COMMD7: variants seen among roughly 807,000 people sequenced by gnomAD.
COMMD7 encodes the protein COMM domain containing 7, also known as COMM domain-containing protein 7.
COMMD7 carries 28 observed loss-of-function variants against 34.8 expected under a neutral mutation model. The observed-to-expected ratio is 0.80, with a 90% CI of 0.60 to 1.10. The LOEUF (loss-of-function observed/expected upper bound fraction) is 1.10. Ranked by LOEUF, COMMD7 falls within the 50% of genes least tolerant of loss-of-function variation. The pLI is 0.00. For missense variants in COMMD7, 211 were observed against 241.6 expected, an observed-to-expected ratio of 0.87 and a Z score of 0.84; for synonymous variants, 80 against 86.4, an observed-to-expected ratio of 0.93 and a Z score of 0.41.
intron 1 of COMMD7, among the ~76,000 whole-genome samples, chr20:32,732,694 A>G (rs1985907515): frequency 6.6e-6 from 1 of 151,512 alleles, no homozygotes; most frequent in African/African-American, 2.4e-5. Flanking sequence ...TGGGAGGCGG[A>G]GGTGGGTGGA....
intron 5 of COMMD7, 93 bp from the exon 6 acceptor site, chr20:32,704,997 A>T (rs1046355717): frequency 1.1e-6 from 1 of 899,928 alleles, no homozygotes. Context: ...GCATTGACAC[A>T]GATAGTGGGG....
At chr20:32,717,011 G>T (rs6057623) in intron 3 of COMMD7, among the ~76,000 whole-genome samples, 104,994 of 151,912 alleles carry the variant, frequency 0.69, 36,986 homozygotes, top group Middle Eastern at 0.82. Context: ...TTTTGTATTT[G>T]TAGTAGAGAT....
chr20:32,733,729 A>C (rs1985975368), intron 1 of COMMD7, among the ~76,000 whole-genome samples: 1 of 150,940 alleles, frequency 6.6e-6, no homozygotes, highest in Non-Finnish European at 1.5e-5. Context: ...AAAAAAAAAA[A>C]AAAAAATTAG....
intron 3 of COMMD7, among the ~76,000 whole-genome samples, chr20:32,716,881 T>C (rs1374658719): frequency 6.6e-6 from 1 of 151,650 alleles, no homozygotes; most frequent in African/African-American, 2.4e-5. Flanking sequence ...TTTCATAATA[T>C]GGACTCTAGC....
chr20:32,713,355 C>T (rs1984586553), intron 3 of COMMD7, among the ~76,000 whole-genome samples: 1 of 152,200 alleles, frequency 6.6e-6, no homozygotes, highest in Non-Finnish European at 1.5e-5. Flanking sequence ...TGGCAACAGG[C>T]ACCAATTTTC....
Position 32,706,713 on chromosome 20 carries a change from T to C in COMMD7, c.289A>G (p.Ile97Val). ...CTGGCCAATGACCTACCCAGAGTTA[T>C]GAAATCCGCCTGGACCTGCTTGGCT... ...LTAKQVQADF[I>V]TLGLSEEKAT... The change falls in exon 4 of 9, where the codon ATA (isoleucine) becomes GTA (valine). Residue 97 changes from isoleucine (I) to valine (V), a missense_variant. Coordinates refer to ENST00000278980, the MANE Select transcript of COMMD7 (RefSeq NM_053041.3). 3 of 1,613,990 alleles carry C rather than the reference T, an allele frequency of 1.9e-6. No individual in the cohort carries two copies. The highest frequency in any genetic ancestry group is 2.2e-5 in the South Asian group (2 of 91,084).
intron 3 of COMMD7, among the ~76,000 whole-genome samples, chr20:32,727,516 C>G (rs1274123891): frequency 7.7e-6 from 1 of 129,288 alleles, no homozygotes; most frequent in Non-Finnish European, 1.6e-5. Context: ...AGCCTGGCGA[C>G]AGAGAAAGAT....
At chr20:32,730,071 C>T (rs1163940977) in intron 1 of COMMD7, among the ~76,000 whole-genome samples, 1 of 152,082 alleles carries the variant, frequency 6.6e-6, no homozygotes, top group African/African-American at 2.4e-5. Context: ...GATATTTTGC[C>T]TTAACAAAAT....
At position 32,703,167 on chromosome 20, in the gene COMMD7, G is replaced by C. The variant is rs1983851421; in HGVS notation, c.*215C>G. 5 of 411,714 alleles carry C rather than the reference G, an allele frequency of 1.2e-5. No homozygotes were observed. The Admixed American group carries it at 2.0e-4, about 17-fold the overall frequency. The allele number at this position is 411,714 out of a possible 1,614,324, so 25.5% of individuals were successfully genotyped here. A position where few individuals can be genotyped will look rare whatever the true frequency, so the allele number is the denominator to read the frequency against. ...GTGTCCTGGAAGACAGGTGGTGGTGGTTGCCCTAACAGAGAGTTTACAGGG... is the reference window on the plus strand; with the variant it reads ...GTGTCCTGGAAGACAGGTGGTGGTGCTTGCCCTAACAGAGAGTTTACAGGG... On this transcript the variant is annotated 3_prime_UTR_variant, in exon 9 of 9. Transcript: ENST00000278980.
chr20:32,729,761 C>T (rs374290146), intron 1 of COMMD7, among the ~76,000 whole-genome samples: 1 of 151,896 alleles, frequency 6.6e-6, no homozygotes, highest in East Asian at 1.9e-4. Context: ...AATCCCAGCA[C>T]TTTGGGAGGC....
intron 3 of COMMD7, among the ~76,000 whole-genome samples, chr20:32,725,431 G>GT (rs56381432): frequency 0.012 from 1,606 of 129,920 alleles, 79 homozygotes; most frequent in African/African-American, 0.04. Flanking sequence ...ACTGTGTTTT[G>GT]TTTTTTTTTT....
At chr20:32,736,642 C>T (rs1568796008) in intron 1 of COMMD7, among the ~76,000 whole-genome samples, 2 of 151,940 alleles carry the variant, frequency 1.3e-5, no homozygotes, top group Admixed American at 6.6e-5. Flanking sequence ...TGCACTTCAG[C>T]CTGGGTGATA....
chr20:32,731,546 G>T (rs984415104), intron 1 of COMMD7, among the ~76,000 whole-genome samples: 7 of 151,960 alleles, frequency 4.6e-5, no homozygotes, highest in Non-Finnish European at 8.8e-5. Flanking sequence ...ATCCTCCAAA[G>T]CCCTGCCAAG....
chr20:32,728,132 G>T lies in COMMD7; in HGVS notation c.95C>A (p.Ala32Asp), dbSNP rs777352425. Reference protein sequence around the residue: ...LNQLGAQQFSALTEVLFHFLT... With the variant: ...LNQLGAQQFSDLTEVLFHFLT... ...GAAGTGGAAAAGCACCTCTGTCAGG[G>T]CTGAGAACTGCTGTGAAGAAAACAA... The change falls in exon 2 of 9, where the codon GCC becomes GAC. Residue 32 changes from alanine (A) to aspartate (D), a missense_variant. By Grantham distance (126) the Ala-to-Asp change is moderately radical. Coordinates refer to ENST00000278980, the MANE Select transcript of COMMD7 (RefSeq NM_053041.3). 2 of 1,614,036 alleles carry T rather than the reference G, an allele frequency of 1.2e-6. No individual in the cohort carries two copies. Among genetic ancestry groups the T allele is most frequent in the East Asian group, 4.5e-5 (2 of 44,868 alleles).
intron 1 of COMMD7, 52 bp downstream of exon 1, chr20:32,743,256 G>A (rs1397370002): frequency 1.6e-5 from 7 of 442,366 alleles, no homozygotes; most frequent in Non-Finnish European, 2.3e-5. Flanking sequence ...CCCCAGGCCC[G>A]GATCCTGGAA....
intron 3 of COMMD7, among the ~76,000 whole-genome samples, chr20:32,720,681 C>T (rs1600985014): frequency 6.6e-6 from 1 of 152,060 alleles, no homozygotes; most frequent in African/African-American, 2.4e-5. Flanking sequence ...TGTTGGTGCA[C>T]CGTAGTCCCA....
At chr20:32,707,406 A>G (rs1984165379) in intron 3 of COMMD7, among the ~76,000 whole-genome samples, 1 of 151,010 alleles carries the variant, frequency 6.6e-6, no homozygotes. Flanking sequence ...TGCAACCTAC[A>G]CCTCCTGGGT....
intron 3 of COMMD7, among the ~76,000 whole-genome samples, chr20:32,722,347 G>A (rs2145748939): frequency 6.6e-6 from 1 of 151,630 alleles, no homozygotes; most frequent in African/African-American, 2.4e-5. Context: ...GAAAATTAGT[G>A]CCCATAACAG....
At chr20:32,738,104 A>G (rs1601009413) in intron 1 of COMMD7, among the ~76,000 whole-genome samples, 1 of 152,276 alleles carries the variant, frequency 6.6e-6, no homozygotes, top group East Asian at 1.9e-4. Flanking sequence ...TCCTGGCTCC[A>G]TCACTTCCTG....
Sources: gnomAD v4.1 joint callset for allele counts (sites outside exome capture counted in the v4.1 genomes callset) on GRCh38, gnomAD v4.1.1 for gene constraint, MANE v1.5 for transcripts, NCBI Gene and HGNC (gene_info 2026-07-23, HGNC 2026-07-21) for gene names.